NECAB1: variants seen among roughly 807,000 people sequenced by gnomAD.
The protein encoded by NECAB1 is N-terminal EF-hand calcium-binding protein 1.
A neutral mutation model predicts 57.5 loss-of-function variants in NECAB1; 29 were observed. The observed-to-expected ratio is 0.50, with a 90% CI of 0.38 to 0.69. The LOEUF (loss-of-function observed/expected upper bound fraction) is 0.69. Among genes scored for constraint, NECAB1 ranks in the 30% least tolerant of loss-of-function variants. NECAB1 has a pLI of 0.00. For missense variants in NECAB1, 372 were observed against 413.8 expected, an observed-to-expected ratio of 0.90 and a Z score of 0.88; for synonymous variants, 142 against 147.7, an observed-to-expected ratio of 0.96 and a Z score of 0.28.
chr8:90,807,293 T>A lies in NECAB1; in HGVS notation c.124+5578T>A, dbSNP rs1002103806. On this transcript the variant is annotated intron_variant, in intron 2 of 12. Coordinates refer to ENST00000417640, the MANE Select transcript of NECAB1 (RefSeq NM_022351.5). ...CTTTAAATACTTCATTGGATTATGA[T>A]CAATTAATTTGGAATTGATTATGTA... Among the ~76,000 whole-genome samples, 6 of 152,230 alleles carry A rather than the reference T, an allele frequency of 3.9e-5. No individual in the cohort carries two copies. The South Asian group carries it at 8.3e-4, about 21-fold the overall frequency.
At chr8:90,808,012 G>C (rs1394325761) in intron 2 of NECAB1, among the ~76,000 whole-genome samples, 11 of 130,674 alleles carry the variant, frequency 8.4e-5, no homozygotes, top group Non-Finnish European at 3.1e-5. Flanking sequence ...TATTTTCATA[G>C]TATGACTTTT....
At chr8:90,798,984 A>T (rs2130641469) in intron 1 of NECAB1, among the ~76,000 whole-genome samples, 1 of 152,198 alleles carries the variant, frequency 6.6e-6, no homozygotes, top group South Asian at 2.1e-4. Context: ...TGACTTTCTG[A>T]TAATAGCCAT....
At chr8:90,804,011 T>C (rs1201866635) in intron 2 of NECAB1, among the ~76,000 whole-genome samples, 1 of 152,232 alleles carries the variant, frequency 6.6e-6, no homozygotes, top group Admixed American at 6.5e-5. Context: ...ATATTGATTA[T>C]TGTCCTTAAG....
chr8:90,936,983 G>A (rs1239482374), intron 9 of NECAB1, among the ~76,000 whole-genome samples: 3 of 152,046 alleles, frequency 2.0e-5, no homozygotes, highest in South Asian at 2.1e-4. Context: ...ACTTGTTAAA[G>A]GCCACATAGG....
rs1811088765 is a variant in NECAB1 at position 90,959,157 on chromosome 8, C to T, written c.*3645C>T. 2.1e-6 allele frequency: 1 copy of T among 474,620 alleles called. No individual in the cohort carries two copies. The highest frequency in any genetic ancestry group is 2.1e-5 in the African/African-American group (1 of 48,426). 29.4% of individuals were successfully genotyped at this position (474,620 alleles called of 1,614,324 possible). On this transcript the variant is annotated 3_prime_UTR_variant, in exon 13 of 13. Coordinates refer to ENST00000417640, the MANE Select transcript of NECAB1 (RefSeq NM_022351.5). The stretch of plus-strand genomic sequence containing the variant: ...ATTTAAATGCATGTTACCATAGAAA[C>T]TATTAAAGTAACTAGAACTGTCAAA...
At chr8:90,913,564 T>C (rs1489690250) in intron 5 of NECAB1, among the ~76,000 whole-genome samples, 1 of 152,188 alleles carries the variant, frequency 6.6e-6, no homozygotes, top group African/African-American at 2.4e-5. Flanking sequence ...TGCCAGTCTC[T>C]CAAATACAGG....
At chr8:90,953,493 A>T (rs1810959159) in intron 12 of NECAB1, among the ~76,000 whole-genome samples, 1 of 152,210 alleles carries the variant, frequency 6.6e-6, no homozygotes, top group Non-Finnish European at 1.5e-5. Flanking sequence ...TATTAATTTC[A>T]TGTTACATTT....
At chr8:90,905,125 A>G (rs1016940673) in intron 5 of NECAB1, among the ~76,000 whole-genome samples, 3 of 152,192 alleles carry the variant, frequency 2.0e-5, no homozygotes, top group African/African-American at 7.2e-5. Flanking sequence ...AAACAAACAA[A>G]CCAAGAGAAT....
intron 12 of NECAB1, 35 bp downstream of exon 12, chr8:90,951,239 T>C (rs1442249952): frequency 2.9e-6 from 2 of 694,978 alleles, no homozygotes; most frequent in Non-Finnish European, 4.1e-6. Context: ...TTCTGTGTCC[T>C]TTTGTATTTT....
At chr8:90,857,421 C>G (rs1040169346) in intron 3 of NECAB1, among the ~76,000 whole-genome samples, 1 of 152,082 alleles carries the variant, frequency 6.6e-6, no homozygotes, top group Non-Finnish European at 1.5e-5. Context: ...ACTTCTAATT[C>G]AAAACTAAGA....
intron 10 of NECAB1, among the ~76,000 whole-genome samples, chr8:90,946,252 A>T (rs942295421): frequency 6.6e-6 from 1 of 152,346 alleles, no homozygotes; most frequent in East Asian, 1.9e-4. Context: ...CAGAATCTGC[A>T]CTTTCATCAC....
chr8:90,862,620 C>T (rs1376061061), intron 3 of NECAB1, among the ~76,000 whole-genome samples: 4 of 152,078 alleles, frequency 2.6e-5, no homozygotes, highest in Non-Finnish European at 5.9e-5. Context: ...AGCATATGTA[C>T]ACAGACTTTT....
chr8:90,940,511 CT>C (rs1174531810), intron 9 of NECAB1: 2 of 331,316 alleles, frequency 6.0e-6, no homozygotes, highest in Non-Finnish European at 1.1e-5. Context: ...AATTTTAAAA[CT>C]TCTCGAGTCA....
At chr8:90,794,656 G>C (rs1259625330) in intron 1 of NECAB1, among the ~76,000 whole-genome samples, 1 of 152,166 alleles carries the variant, frequency 6.6e-6, no homozygotes, top group African/African-American at 2.4e-5. Flanking sequence ...TTTTCCTTCA[G>C]TATCCTCTCC....
intron 10 of NECAB1, among the ~76,000 whole-genome samples, chr8:90,945,987 C>T (rs1810797700): frequency 6.6e-6 from 1 of 152,190 alleles, no homozygotes; most frequent in African/African-American, 2.4e-5. Context: ...TTTACATTTA[C>T]AAATAATCGA....
At chr8:90,800,187 A>C (rs945404826) in intron 1 of NECAB1, among the ~76,000 whole-genome samples, 1 of 152,202 alleles carries the variant, frequency 6.6e-6, no homozygotes, top group African/African-American at 2.4e-5. Context: ...GTCGTTTATC[A>C]GTCCCAGGAG....
intron 3 of NECAB1, among the ~76,000 whole-genome samples, chr8:90,870,349 T>A (rs1238254837): frequency 6.6e-6 from 1 of 152,218 alleles, no homozygotes; most frequent in Non-Finnish European, 1.5e-5. Context: ...ATTTAAAAAG[T>A]ATTCTATAAT....
At chr8:90,836,697 A>G (rs142592136) in intron 3 of NECAB1, among the ~76,000 whole-genome samples, 2 of 152,352 alleles carry the variant, frequency 1.3e-5, no homozygotes, top group Non-Finnish European at 2.9e-5. Flanking sequence ...CTTGACAACC[A>G]TTATTCTAGT....
chr8:90,873,485 G>A (rs902225092), intron 4 of NECAB1, among the ~76,000 whole-genome samples: 1 of 152,196 alleles, frequency 6.6e-6, no homozygotes, highest in Non-Finnish European at 1.5e-5. Flanking sequence ...TGTGCACACA[G>A]TCCTGGTCAG....
Sources: allele counts gnomAD v4.1 joint callset (sites outside exome capture counted in the v4.1 genomes callset), GRCh38; gene constraint gnomAD v4.1.1; transcripts MANE v1.5; gene names NCBI Gene and HGNC (gene_info 2026-07-23, HGNC 2026-07-21).